Variants in ADAMTS12 observed in about 807,000 individuals in gnomAD.
ADAMTS12 encodes A disintegrin and metalloproteinase with thrombospondin motifs 12.
Under a neutral mutation model 167.8 loss-of-function variants are expected in ADAMTS12, and 118 were observed. The ratio of observed to expected loss-of-function variants is 0.70; its 90% confidence interval spans 0.61 to 0.82. ADAMTS12 has a LOEUF of 0.82. Among genes scored for constraint, ADAMTS12 ranks in the 40% least tolerant of loss-of-function variants. ADAMTS12 has a pLI of 0.00. For missense variants in ADAMTS12, 1,916 were observed against 1,998.8 expected (o/e 0.96, Z 0.79); for synonymous variants, 704 against 716.9 (o/e 0.98, Z 0.29).
chr5:33,790,566 A>G (rs1458679778), intron 2 of ADAMTS12, among the ~76,000 whole-genome samples: 2 of 150,582 alleles, frequency 1.3e-5, no homozygotes, highest in African/African-American at 4.9e-5. Context: ...AAAAAAAAAA[A>G]AAAAAGAAAA....
chr5:33,528,461 A>G (rs1579622154), intron 23 of ADAMTS12, among the ~76,000 whole-genome samples: 1 of 152,258 alleles, frequency 6.6e-6, no homozygotes, highest in Non-Finnish European at 1.5e-5. Flanking sequence ...CTGTAGTTTT[A>G]AACCCGAGTG....
chr5:33,538,047 A>G (rs1339501742), intron 22 of ADAMTS12, among the ~76,000 whole-genome samples: 2 of 152,168 alleles, frequency 1.3e-5, no homozygotes, highest in Non-Finnish European at 2.9e-5. Flanking sequence ...ACTTTCTGAA[A>G]GCACAACCCA....
intron 3 of ADAMTS12, among the ~76,000 whole-genome samples, chr5:33,729,972 G>A (rs1744123045): frequency 1.3e-5 from 2 of 152,190 alleles, no homozygotes; most frequent in Admixed American, 6.5e-5. Context: ...ATGATTAAGA[G>A]TCTGTCTATG....
chr5:33,831,090 A>C (rs1278061124), intron 2 of ADAMTS12, among the ~76,000 whole-genome samples: 1 of 152,152 alleles, frequency 6.6e-6, no homozygotes, highest in African/African-American at 2.4e-5. Context: ...GCTCCATATG[A>C]TACACCAGAA....
chr5:33,567,870 A>ATAT (rs1746089402), intron 19 of ADAMTS12, among the ~76,000 whole-genome samples: 1 of 152,148 alleles, frequency 6.6e-6, no homozygotes, highest in South Asian at 2.1e-4. Context: ...GAGGATGGTA[A>ATAT]TATTTTCTGA....
At chr5:33,785,698 C>A (rs370087071) in intron 2 of ADAMTS12, among the ~76,000 whole-genome samples, 4 of 152,210 alleles carry the variant, frequency 2.6e-5, no homozygotes, top group South Asian at 4.1e-4. Context: ...AAAACTGAAA[C>A]CCTTGTATGT....
At chr5:33,590,169 T>C (rs1561150649) in intron 17 of ADAMTS12, among the ~76,000 whole-genome samples, 1 of 152,246 alleles carries the variant, frequency 6.6e-6, no homozygotes, top group Admixed American at 6.5e-5. Context: ...GAAAAGGTCT[T>C]AATCTGAGTT....
At position 33,873,626 on chromosome 5, in the gene ADAMTS12, A is replaced by G. The variant is rs117859098; in HGVS notation, c.489+7493T>C. ...CTAGCCAATACAGAATGCAAGGAGA[A>G]GTGGAGAACTGACACTATCGGACTT... On this transcript the variant is annotated intron_variant, in intron 2 of 23. Coordinates refer to ENST00000504830, the MANE Select transcript of ADAMTS12 (RefSeq NM_030955.4). 4.0e-3 allele frequency among the ~76,000 whole-genome samples: 605 copies of G among 152,298 alleles called. 12 individuals carry two copies. The highest frequency in any genetic ancestry group is 0.03 in the Admixed American group (458 of 15,304).
intron 3 of ADAMTS12, among the ~76,000 whole-genome samples, chr5:33,704,243 A>G (rs1259694681): frequency 6.6e-6 from 1 of 152,142 alleles, no homozygotes; most frequent in Non-Finnish European, 1.5e-5. Flanking sequence ...TTATCCATTC[A>G]TCTATTGATG....
chr5:33,745,377 C>A (rs750772411), intron 3 of ADAMTS12, among the ~76,000 whole-genome samples: 12 of 152,188 alleles, frequency 7.9e-5, no homozygotes, highest in Non-Finnish European at 1.3e-4. Context: ...ATAGTGAACA[C>A]ATCAAGTAAC....
At chr5:33,734,884 C>A (rs1436463796) in intron 3 of ADAMTS12, among the ~76,000 whole-genome samples, 1 of 152,184 alleles carries the variant, frequency 6.6e-6, no homozygotes, top group South Asian at 2.1e-4. Flanking sequence ...AACTCTTTGG[C>A]TCTCAAATTT....
intron 3 of ADAMTS12, among the ~76,000 whole-genome samples, chr5:33,714,475 G>T (rs985923163): frequency 6.6e-6 from 1 of 152,040 alleles, no homozygotes; most frequent in African/African-American, 2.4e-5. Flanking sequence ...AAGGAAATCA[G>T]TATGTCAAAG....
intron 14 of ADAMTS12, among the ~76,000 whole-genome samples, chr5:33,617,117 G>T (rs1579752888): frequency 1.3e-5 from 2 of 152,222 alleles, no homozygotes; most frequent in East Asian, 3.9e-4. Context: ...GAATCTCATT[G>T]CACAGAAGGG....
chr5:33,700,301 C>A (rs942734466), intron 3 of ADAMTS12, among the ~76,000 whole-genome samples: 4 of 152,136 alleles, frequency 2.6e-5, no homozygotes, highest in Non-Finnish European at 5.9e-5. Context: ...TGTGCCTCAA[C>A]CAGTGAAGGA....
intron 2 of ADAMTS12, among the ~76,000 whole-genome samples, chr5:33,816,444 T>A (rs996852977): frequency 6.6e-6 from 1 of 152,140 alleles, no homozygotes; most frequent in Non-Finnish European, 1.5e-5. Flanking sequence ...CTGTCTGAGA[T>A]TTTGTACCTT....
chr5:33,632,693 T>G (rs1740005472), intron 12 of ADAMTS12, among the ~76,000 whole-genome samples: 1 of 152,222 alleles, frequency 6.6e-6, no homozygotes, highest in Non-Finnish European at 1.5e-5. Context: ...TCTATTCTCC[T>G]AAGGATGAGA....
intron 14 of ADAMTS12, among the ~76,000 whole-genome samples, chr5:33,618,686 G>A (rs1216988152): frequency 6.6e-6 from 1 of 152,110 alleles, no homozygotes; most frequent in Non-Finnish European, 1.5e-5. Flanking sequence ...AGCAACTCTT[G>A]AATTTCTCCA....
Position 33,757,283 on chromosome 5 carries a change from T to C in ADAMTS12, c.490-5735A>G, listed in dbSNP as rs1251986267. Among the ~76,000 whole-genome samples, 4 of 152,228 alleles carry C rather than the reference T, an allele frequency of 2.6e-5. No individual in the cohort carries two copies. In the East Asian group the frequency reaches 7.7e-4, roughly 29 times the overall value. On this transcript the variant is annotated intron_variant, in intron 2 of 23. Transcript: ENST00000504830. ...CTGCACACAGGCTTCAGAGAATCAATAGAAACACCTGGATATAAAAAATGC... is the reference window on the plus strand; with the variant it reads ...CTGCACACAGGCTTCAGAGAATCAACAGAAACACCTGGATATAAAAAATGC...
rs751260063 is a variant in ADAMTS12 at position 33,588,797 on chromosome 5, C to T, written c.2667G>A (p.Gly889=). 1 of 1,613,356 alleles carries T rather than the reference C, an allele frequency of 6.2e-7. No homozygotes were observed. Among genetic ancestry groups the T allele is most frequent in the South Asian group, 1.1e-5 (1 of 91,054 alleles). The part of the protein sequence containing the change: ...EKACPPRWWA[G]EWEACSATCG... Reference sequence around the variant, plus strand: ...ATGTCGCCGAGCATGCTTCCCACTCCCCTGCCCACCACCTGCAGGCAAACA... The same window carrying T: ...ATGTCGCCGAGCATGCTTCCCACTCTCCTGCCCACCACCTGCAGGCAAACA... The change falls in exon 18 of 24, where the codon GGG becomes GGA. Residue 889 remains glycine (G), a synonymous_variant. Transcript: ENST00000504830.
Sources: gnomAD v4.1 joint callset for allele counts (sites outside exome capture counted in the v4.1 genomes callset) on GRCh38, gnomAD v4.1.1 for gene constraint, MANE v1.5 for transcripts, NCBI Gene and HGNC (gene_info 2026-07-23, HGNC 2026-07-21) for gene names.